CHRNA7: variants seen among roughly 807,000 people sequenced by gnomAD.
CHRNA7 encodes cholinergic receptor nicotinic alpha 7 subunit, also known as neuronal acetylcholine receptor subunit alpha-7.
Under a neutral mutation model 48.0 loss-of-function variants are expected in CHRNA7, and 17 were observed. That is an observed-to-expected ratio of 0.35 (90% CI 0.24 to 0.53). The LOEUF is 0.53. CHRNA7 is among the 20% of genes least tolerant of loss of function. The pLI is 0.92. For missense variants in CHRNA7, 155 were observed against 577.7 expected (o/e 0.27, Z 7.50); for synonymous variants, 75 against 242.3 (o/e 0.31, Z 6.41).
intron 3 of CHRNA7, among the ~76,000 whole-genome samples, chr15:32,107,231 G>C (rs1023421989): frequency 1.3e-5 from 2 of 152,104 alleles, no homozygotes; most frequent in Non-Finnish European, 2.9e-5. Flanking sequence ...ACCTGGAGTT[G>C]CATCAGATCC....
intron 3 of CHRNA7, among the ~76,000 whole-genome samples, chr15:32,110,729 G>C (rs2050749888): frequency 6.6e-6 from 1 of 152,154 alleles, no homozygotes; most frequent in South Asian, 2.1e-4. Context: ...AAATTATTTT[G>C]GTCTAAAATC....
At chr15:32,104,910 G>A (rs1372129342) in intron 3 of CHRNA7, among the ~76,000 whole-genome samples, 1 of 152,192 alleles carries the variant, frequency 6.6e-6, no homozygotes, top group Non-Finnish European at 1.5e-5. Context: ...TTATGGAGAG[G>A]TCTCTCTCCC....
At chr15:32,081,753 A>G (rs2050219001) in intron 2 of CHRNA7, among the ~76,000 whole-genome samples, 1 of 152,160 alleles carries the variant, frequency 6.6e-6, no homozygotes, top group South Asian at 2.1e-4. Flanking sequence ...CATAACTTAG[A>G]ATACTCAACA....
intron 4 of CHRNA7, among the ~76,000 whole-genome samples, chr15:32,141,163 A>G (rs2051371209): frequency 6.6e-6 from 1 of 152,164 alleles, no homozygotes; most frequent in Non-Finnish European, 1.5e-5. Flanking sequence ...TCCCAGTACT[A>G]TTTATTAAAC....
At chr15:32,051,915 G>T (rs959740636) in intron 2 of CHRNA7, among the ~76,000 whole-genome samples, 1 of 152,146 alleles carries the variant, frequency 6.6e-6, no homozygotes, top group Non-Finnish European at 1.5e-5. Context: ...GACCTGAAGT[G>T]ATCTGCCCGC....
intron 2 of CHRNA7, among the ~76,000 whole-genome samples, chr15:32,055,304 A>G (rs2049767773): frequency 6.6e-6 from 1 of 151,980 alleles, no homozygotes; most frequent in Non-Finnish European, 1.5e-5. Context: ...TACAGATATA[A>G]ACCCGTAGTC....
intron 3 of CHRNA7, among the ~76,000 whole-genome samples, chr15:32,108,945 C>T (rs1337713980): frequency 2.6e-5 from 4 of 152,160 alleles, no homozygotes; most frequent in Non-Finnish European, 5.9e-5. Context: ...AAACCCAGGT[C>T]TGTCTGATGC....
At chr15:32,138,857 G>A (rs1303253104) in intron 4 of CHRNA7, among the ~76,000 whole-genome samples, 4 of 152,044 alleles carry the variant, frequency 2.6e-5, no homozygotes, top group African/African-American at 7.2e-5. Flanking sequence ...GGGTTCAAGC[G>A]ATTCTCCCAC....
intron 2 of CHRNA7, among the ~76,000 whole-genome samples, chr15:32,064,495 GTGTGTGTA>G (rs2049932808): frequency 6.6e-6 from 1 of 151,174 alleles, no homozygotes; most frequent in African/African-American, 2.4e-5. Flanking sequence ...GTGTGTGTAT[GTGTGTGTA>G]TGTGTGTGTG....
At chr15:32,068,933 C>CAAT (rs974858930) in intron 2 of CHRNA7, among the ~76,000 whole-genome samples, 1 of 152,056 alleles carries the variant, frequency 6.6e-6, no homozygotes, top group African/African-American at 2.4e-5. Context: ...ACCCCTCTTT[C>CAAT]AATAATGATA....
chr15:32,089,902 T>TA (rs1185801063), intron 2 of CHRNA7, among the ~76,000 whole-genome samples: 1 of 152,226 alleles, frequency 6.6e-6, no homozygotes, highest in East Asian at 1.9e-4. Context: ...CAGGTTCTTC[T>TA]AGTGTTCCTG....
At chr15:32,048,111 G>A (rs1011958500) in intron 2 of CHRNA7, among the ~76,000 whole-genome samples, 6 of 152,148 alleles carry the variant, frequency 3.9e-5, no homozygotes, top group East Asian at 3.9e-4. Context: ...ATGTTCATCA[G>A]GGATATTGGT....
chr15:32,055,334 G>A (rs75004570), intron 2 of CHRNA7, among the ~76,000 whole-genome samples: 2 of 151,408 alleles, frequency 1.3e-5, no homozygotes, highest in East Asian at 3.9e-4. Context: ...GTTTTGTGCT[G>A]TTATAACAGA....
rs1222803210 is a variant in CHRNA7, at chr15:32,118,667, A to G, written c.350+6768A>G. Among the ~76,000 whole-genome samples the G allele has an allele frequency of 2.6e-5, 4 of 152,206 alleles. No individual in the cohort carries two copies. The East Asian group carries it at 7.7e-4, about 29-fold the overall frequency. The stretch of plus-strand genomic sequence containing the variant: ...TTGTTCATTCACTCAACCAATATTT[A>G]GTGAAGGCTCCCTCAGCATAATCAC... On this transcript the variant is annotated intron_variant, in intron 4 of 9. Transcript: ENST00000306901.
At chr15:32,112,022 T>C (rs779554435) in intron 4 of CHRNA7, 123 bp downstream of exon 4, 75 of 715,332 alleles carry the variant, frequency 1.0e-4, no homozygotes, top group Non-Finnish European at 1.7e-4. Context: ...CACTGCTCCC[T>C]ACACGGCTTT....
At chr15:32,055,830 T>A (rs2049778061) in intron 2 of CHRNA7, among the ~76,000 whole-genome samples, 1 of 151,958 alleles carries the variant, frequency 6.6e-6, no homozygotes, top group Admixed American at 6.5e-5. Flanking sequence ...ATACAAAAAA[T>A]TAGCCGGGCG....
At chr15:32,072,888 G>T (rs1488368085) in intron 2 of CHRNA7, among the ~76,000 whole-genome samples, 2 of 151,672 alleles carry the variant, frequency 1.3e-5, no homozygotes, top group Non-Finnish European at 2.9e-5. Flanking sequence ...TGCCCAGGTG[G>T]AAGCCTATTG....
At chr15:32,033,796 C>G (rs1901957841) in intron 2 of CHRNA7, among the ~76,000 whole-genome samples, 1 of 152,176 alleles carries the variant, frequency 6.6e-6, no homozygotes, top group Admixed American at 6.5e-5. Flanking sequence ...TTTAACTGGA[C>G]TGTTCTAGAG....
chr15:32,146,021 A>G (rs542003243), intron 4 of CHRNA7, among the ~76,000 whole-genome samples: 1 of 152,358 alleles, frequency 6.6e-6, no homozygotes, highest in South Asian at 2.1e-4. Flanking sequence ...GCTGCAGACC[A>G]GAGCTGTTCT....
Sources: allele counts gnomAD v4.1 joint callset (sites outside exome capture counted in the v4.1 genomes callset), GRCh38; gene constraint gnomAD v4.1.1; transcripts MANE v1.5; gene names NCBI Gene and HGNC (gene_info 2026-07-23, HGNC 2026-07-21).